Variants in RBFOX1 observed in about 807,000 individuals in gnomAD.
The protein encoded by RBFOX1 is RNA binding fox-1 homolog 1, also known as RNA binding protein fox-1 homolog 1.
A neutral mutation model predicts 57.7 loss-of-function variants in RBFOX1; 8 were observed. That is an observed-to-expected ratio of 0.14 (90% CI 0.08 to 0.25). The LOEUF is 0.25. Among genes scored for constraint, RBFOX1 ranks in the 10% least tolerant of loss-of-function variants. RBFOX1 has a pLI of 1.00. For synonymous variants in RBFOX1, 326 were observed against 222.4 expected (o/e 1.47, Z -4.15); for missense variants, 611 against 548.5 (o/e 1.11, Z -1.14).
chr16:5,720,449 G>A (rs180943921), intron 3 of RBFOX1, among the ~76,000 whole-genome samples: 2 of 152,144 alleles, frequency 1.3e-5, no homozygotes, highest in African/African-American at 2.4e-5. Context: ...TTTGTTAATC[G>A]CAATGAACCT....
At position 7,322,237 on chromosome 16, in the gene RBFOX1, A is replaced by G. The variant is rs117327998; in HGVS notation, c.28-195910A>G. On this transcript the variant is annotated intron_variant, in intron 4 of 15. Transcript: ENST00000550418. ...CAAGGGAATGAAAGATGTGTTTTGCACTTCTTAAGCACAGACTTGCTTTTA... is the reference window on the plus strand; with the variant it reads ...CAAGGGAATGAAAGATGTGTTTTGCGCTTCTTAAGCACAGACTTGCTTTTA... Among the ~76,000 whole-genome samples the G allele has an allele frequency of 1.6e-3, 250 of 152,344 alleles. 3 individuals are homozygous for G. The East Asian group carries it at 0.03, about 18-fold the overall frequency.
intron 2 of RBFOX1, among the ~76,000 whole-genome samples, chr16:5,472,121 G>C (rs929600688): frequency 2.0e-5 from 3 of 152,100 alleles, no homozygotes; most frequent in Non-Finnish European, 4.4e-5. Flanking sequence ...AACGGGGTGA[G>C]AATCTTATTA....
At chr16:6,635,436 G>A (rs2098423748) in intron 2 of RBFOX1, among the ~76,000 whole-genome samples, 1 of 152,096 alleles carries the variant, frequency 6.6e-6, no homozygotes, top group South Asian at 2.1e-4. Context: ...ACAAGGAACA[G>A]TCAAATCTGG....
At chr16:7,007,519 T>C (rs2070498957) in intron 3 of RBFOX1, among the ~76,000 whole-genome samples, 1 of 152,150 alleles carries the variant, frequency 6.6e-6, no homozygotes, top group South Asian at 2.1e-4. Context: ...GTTCTGGGGA[T>C]TAGGACATGG....
At chr16:6,012,107 C>T (rs1045247008) in intron 4 of RBFOX1, among the ~76,000 whole-genome samples, 8 of 152,174 alleles carry the variant, frequency 5.3e-5, no homozygotes, top group Middle Eastern at 3.2e-3. Context: ...CCCGACAATG[C>T]TGGTTGAGAA....
chr16:5,462,996 AGT>A (rs1161284947), intron 1 of RBFOX1, among the ~76,000 whole-genome samples: 3 of 152,246 alleles, frequency 2.0e-5, no homozygotes, highest in Middle Eastern at 6.3e-3. Context: ...ATAAAAAGAA[AGT>A]GAGCAGATCA....
chr16:7,579,622 C>G lies in RBFOX1; in HGVS notation c.271-155C>G, dbSNP rs563966510. ...CCAGTGGACGCTCAGAAAACACTTG[C>G]TGAATGAATGCATGCATGCATGCGT... On this transcript the variant is annotated intron_variant, in intron 5 of 15. Transcript: ENST00000550418. 7.2e-5 allele frequency among the ~76,000 whole-genome samples: 11 copies of G among 152,314 alleles called. No individual in the cohort carries two copies. In the South Asian group the frequency reaches 1.2e-3, roughly 17 times the overall value.
In RBFOX1 at chr16:6,927,414, C is replaced by CAAAAAAAAAAAAAAAAAAAAAAAAAAA. The variant is rs1194663760; in HGVS notation, c.-15-124618_-15-124617insAAAAAAAAAAAAAAAAAAAAAAAAAAA. Among the ~76,000 whole-genome samples the CAAAAAAAAAAAAAAAAAAAAAAAAAAA allele has an allele frequency of 4.5e-4, 24 of 53,142 alleles. 3 individuals carry two copies. Among genetic ancestry groups the CAAAAAAAAAAAAAAAAAAAAAAAAAAA allele is most frequent in the African/African-American group, 2.4e-3 (22 of 9,276 alleles). 34.9% of individuals were successfully genotyped at this position (53,142 alleles called of 152,430 possible). On this transcript the variant is annotated intron_variant, in intron 3 of 15. Transcript: ENST00000550418. ...GGCAACAGAGTGAGACGCTTTCTCA[C>CAAAAAAAAAAAAAAAAAAAAAAAAAAA]AAAAAAAAAAAAAAAAAAAAAAAAA...
chr16:7,036,540 A>T (rs917562715), intron 3 of RBFOX1, among the ~76,000 whole-genome samples: 1 of 151,960 alleles, frequency 6.6e-6, no homozygotes, highest in African/African-American at 2.4e-5. Flanking sequence ...TAAAATTAGA[A>T]AAATTAGCTG....
At chr16:6,044,862 A>G (rs1041570379) in intron 1 of RBFOX1, among the ~76,000 whole-genome samples, 44 of 152,304 alleles carry the variant, frequency 2.9e-4, no homozygotes, top group African/African-American at 1.0e-3. Flanking sequence ...ATGTTTCTGT[A>G]CTGTTCGCTG....
At chr16:5,953,048 G>A (rs1396317210) in intron 4 of RBFOX1, among the ~76,000 whole-genome samples, 1 of 148,104 alleles carries the variant, frequency 6.8e-6, no homozygotes, top group Admixed American at 6.7e-5. Flanking sequence ...AATCTCCTGC[G>A]GAAGATTATC....
chr16:6,430,122 A>G (rs759035612), intron 2 of RBFOX1, among the ~76,000 whole-genome samples: 2 of 150,604 alleles, frequency 1.3e-5, no homozygotes, highest in Non-Finnish European at 2.9e-5. Flanking sequence ...AAGAAAAAAA[A>G]AAAACAGAAA....
intron 4 of RBFOX1, among the ~76,000 whole-genome samples, chr16:5,926,430 C>T (rs1464498513): frequency 1.3e-5 from 2 of 151,950 alleles, no homozygotes; most frequent in Non-Finnish European, 1.5e-5. Flanking sequence ...CTGGGGGGTG[C>T]TTTTGGAATC....
chr16:7,228,352 C>G (rs1219900387), intron 4 of RBFOX1, among the ~76,000 whole-genome samples: 1 of 152,126 alleles, frequency 6.6e-6, no homozygotes, highest in Non-Finnish European at 1.5e-5. Context: ...TTTTTATCTT[C>G]TCCTACTACC....
intron 1 of RBFOX1, among the ~76,000 whole-genome samples, chr16:5,356,281 T>C (rs2065386313): frequency 6.6e-6 from 1 of 152,232 alleles, no homozygotes; most frequent in South Asian, 2.1e-4. Context: ...TCATCCGTGA[T>C]GACACCTTGA....
At chr16:6,830,441 G>A (rs116906966) in intron 3 of RBFOX1, among the ~76,000 whole-genome samples, 3,452 of 152,190 alleles carry the variant, frequency 0.023, 70 homozygotes, top group Non-Finnish European at 0.039. Flanking sequence ...CACAGGGACC[G>A]TAAGAGGAAG....
intron 3 of RBFOX1, among the ~76,000 whole-genome samples, chr16:6,797,079 T>C (rs2084232486): frequency 6.6e-6 from 1 of 152,110 alleles, no homozygotes; most frequent in Non-Finnish European, 1.5e-5. Flanking sequence ...AGCAAATAAA[T>C]AGAGTAACAC....
At chr16:5,938,267 A>G (rs2059207236) in intron 4 of RBFOX1, among the ~76,000 whole-genome samples, 1 of 152,166 alleles carries the variant, frequency 6.6e-6, no homozygotes, top group Non-Finnish European at 1.5e-5. Flanking sequence ...AAATTAAACT[A>G]CTAACTGTCC....
intron 3 of RBFOX1, among the ~76,000 whole-genome samples, chr16:6,954,598 C>T (rs1206481368): frequency 6.6e-6 from 1 of 152,098 alleles, no homozygotes; most frequent in Non-Finnish European, 1.5e-5. Flanking sequence ...ATATCCTCCT[C>T]ATTATGTAGA....
Sources: allele counts gnomAD v4.1 joint callset (sites outside exome capture counted in the v4.1 genomes callset), GRCh38; gene constraint gnomAD v4.1.1; transcripts MANE v1.5; gene names NCBI Gene and HGNC (gene_info 2026-07-23, HGNC 2026-07-21).